Variants in MIEF2 observed in about 807,000 individuals in gnomAD.
The protein encoded by MIEF2 is mitochondrial elongation factor 2, also known as mitochondrial dynamics protein MID49.
MIEF2 carries 1 observed loss-of-function variant against 7.4 expected under a neutral mutation model. The ratio of observed to expected loss-of-function variants is 0.14; its 90% CI spans 0.05 to 0.64. The LOEUF (loss-of-function observed/expected upper bound fraction) is 0.64. Among genes scored for constraint, MIEF2 ranks in the 30% least tolerant of loss-of-function variants. The pLI, the probability that MIEF2 is intolerant of heterozygous loss-of-function variation, is 0.85. For missense variants in MIEF2, 569 were observed against 623.9 expected, an observed-to-expected ratio of 0.91 and a Z score of 0.94; for synonymous variants, 275 against 290.5, an observed-to-expected ratio of 0.95 and a Z score of 0.54.
At chr17:18,261,274 G>A in intron 1 of MIEF2, 4 of 1,324,942 alleles carry the variant, frequency 3.0e-6, no homozygotes, top group Non-Finnish European at 4.2e-6. Flanking sequence ...AACCGGCCCT[G>A]GGGCCGTGGC....
At chr17:18,263,581 G>C in intron 3 of MIEF2, 129 bp from the exon 4 acceptor site, 1 of 1,240,488 alleles carries the variant, frequency 8.1e-7, no homozygotes, top group Non-Finnish European at 1.1e-6. Flanking sequence ...TCTGAACTGA[G>C]TGCCTTCTCA....
rs1270408544 is a variant in MIEF2, at chr17:18,263,834, G to A, written c.435G>A (p.Gln145=). The A allele has an allele frequency of 1.2e-6, 2 of 1,607,498 alleles. No homozygotes were observed. The highest frequency in any genetic ancestry group is 2.2e-5 in the East Asian group (1 of 44,868). ...ERDRVTIPAA[Q]VALAKQLAGD... is the part of the protein sequence containing the mutation. ...ACCGTGTGACCATCCCAGCAGCCCA[G>A]GTGGCTTTGGCCAAACAGCTGGCTG... The change falls in exon 4 of 4, where the codon CAG becomes CAA. Residue 145 remains glutamine (Q), a synonymous_variant. Transcript: ENST00000323019.
At chr17:18,262,895 G>A (rs762099168) in intron 2 of MIEF2, 28 bp downstream of exon 2, 4 of 1,528,796 alleles carry the variant, frequency 2.6e-6, no homozygotes, top group Non-Finnish European at 3.5e-6. Context: ...GGTCATGCCT[G>A]AAGCTCCTAG....
chr17:18,263,387 G>A lies in MIEF2; in HGVS notation c.310+139G>A, dbSNP rs761543968. ...GCTCCTCAGATATTTAATGGGGGTG[G>A]TGTTTCTTTGCCCTGTTCCTGGAGC... On this transcript the variant is annotated intron_variant, in intron 3 of 3. Transcript: ENST00000323019. 25 of 1,218,512 alleles carry A rather than the reference G, an allele frequency of 2.1e-5. No individual in the cohort carries two copies. The South Asian group carries it at 3.0e-4, about 15-fold the overall frequency. 75.5% of individuals were successfully genotyped at this position (1,218,512 alleles called of 1,614,324 possible). A position where few individuals can be genotyped will look rare whatever the true frequency, so the allele number is the denominator to read the frequency against.
rs748534210 is a variant in MIEF2, at chr17:18,264,250, C to T, written c.851C>T (p.Ala284Val). 1 of 1,604,918 alleles carries T rather than the reference C, an allele frequency of 6.2e-7. No homozygotes were observed. The highest frequency in any genetic ancestry group is 8.5e-7 in the Non-Finnish European group (1 of 1,179,764). Residue 284 changes from alanine to valine, a missense_variant, in exon 4 of 4, where the codon GCC (alanine) becomes GTC (valine). Physicochemically the swap from Ala to Val is moderately conservative, Grantham distance 64. Transcript: ENST00000323019. ...LLGCLIRPSM[A>V]SEELLLEVQH... ...GGGTGCCTGATCCGGCCCAGCATGG[C>T]CTCGGAGGAGCTGCTGCTCGAGGTG...
Position 18,265,927 on chromosome 17 carries a change from G to A in MIEF2, c.*1163G>A, listed in dbSNP as rs1259313581. 6.6e-6 allele frequency: 1 copy of A among 152,240 alleles called. No individual in the cohort carries two copies. The highest frequency in any genetic ancestry group is 1.5e-5 in the Non-Finnish European group (1 of 68,054). The allele number at this position is 152,240 out of a possible 1,614,324, so 9.4% of individuals were successfully genotyped here. ...GTTTACTTTAAAAAGTAGCATCTTG[G>A]CCGGGTGTGGTGGCTCGCATCTGTA... On this transcript the variant is annotated 3_prime_UTR_variant, in exon 4 of 4. Transcript: ENST00000323019.
At position 18,265,044 on chromosome 17, in the gene MIEF2, C is replaced by T. The variant is rs1468056028; in HGVS notation, c.*280C>T. On this transcript the variant is annotated 3_prime_UTR_variant, in exon 4 of 4. Transcript: ENST00000323019. ...CACCGTTTCAGCTCTTGGGGCCAACCCCAGGACCTTTGGCTCTGTCCATCA... is the reference window on the plus strand; with the variant it reads ...CACCGTTTCAGCTCTTGGGGCCAACTCCAGGACCTTTGGCTCTGTCCATCA... The T allele has an allele frequency of 2.5e-6, 1 of 394,660 alleles. No homozygotes were observed. The highest frequency in any genetic ancestry group is 4.5e-6 in the Non-Finnish European group (1 of 220,036). The allele number at this position is 394,660 out of a possible 1,614,324, so 24.4% of individuals were successfully genotyped here.
chr17:18,262,953 G>A, intron 2 of MIEF2, 86 bp downstream of exon 2: 1 of 1,528,926 alleles, frequency 6.5e-7, no homozygotes, highest in Non-Finnish European at 8.8e-7. Context: ...GGGGAGGGGT[G>A]GGGACTGCCC....
At chr17:18,261,414 G>A (rs1978410341) in intron 1 of MIEF2, among the ~76,000 whole-genome samples, 1 of 152,194 alleles carries the variant, frequency 6.6e-6, no homozygotes. Context: ...TGGTCACCTG[G>A]CAACTGGGCC....
chr17:18,264,304 C>G lies in MIEF2; in HGVS notation c.905C>G (p.Ala302Gly). 6.2e-7 allele frequency: 1 copy of G among 1,607,670 alleles called. No individual in the cohort carries two copies. The highest frequency in any genetic ancestry group is 1.7e-5 in the Admixed American group (1 of 60,028). The change falls in exon 4 of 4, where the codon GCT becomes GGT. Residue 302 changes from alanine to glycine, a missense_variant. Physicochemically the swap from Ala to Gly is moderately conservative, Grantham distance 60. Transcript: ENST00000323019. ...CACGAACGCCTGGAGCTCACTGTGG[C>G]TGTGCTTGTGGCAGTCCCTGGGGTC... is the stretch of plus-strand genomic sequence containing the variant. ...VQHERLELTV[A>G]VLVAVPGVDA... is the part of the protein sequence containing the mutation.
chr17:18,260,911 G>A (rs1357170016), intron 1 of MIEF2, among the ~76,000 whole-genome samples, 174 bp downstream of exon 1: 2 of 152,186 alleles, frequency 1.3e-5, no homozygotes, highest in Non-Finnish European at 2.9e-5. Flanking sequence ...TTCCCCTCTC[G>A]GTCTCTTGGT....
chr17:18,263,921 G>T lies in MIEF2; in HGVS notation c.522G>T (p.Gly174=). The change falls in exon 4 of 4, where the codon GGG becomes GGT. Residue 174 remains glycine (G), a synonymous_variant. Coordinates refer to ENST00000323019, the MANE Select transcript of MIEF2 (RefSeq NM_139162.4). ...GCAAGTTCCCGGAACTGCCCTTTGG[G>T]GCATTCGTGCCTGGGGGGCCGCTCT... ...FRSKFPELPF[G]AFVPGGPLYD... The T allele has an allele frequency of 6.3e-7, 1 of 1,598,424 alleles. No homozygotes were observed. Among genetic ancestry groups the T allele is most frequent in the Non-Finnish European group, 8.5e-7 (1 of 1,177,466 alleles).
chr17:18,262,713 G>A lies in MIEF2; in HGVS notation c.-7-1G>A. 1 of 1,601,498 alleles carries A rather than the reference G, an allele frequency of 6.2e-7. No homozygotes were observed. Among genetic ancestry groups the A allele is most frequent in the Non-Finnish European group, 8.5e-7 (1 of 1,173,322 alleles). The stretch of plus-strand genomic sequence containing the variant: ...CCCCTTCACCCCTGGCTCTCTTACA[G>A]GCAGACCATGGCAGAGTTCTCCCAG... On this transcript the variant is annotated splice_acceptor_variant, in intron 1 of 3. Coordinates refer to ENST00000323019, the MANE Select transcript of MIEF2 (RefSeq NM_139162.4). LOFTEE classifies it low-confidence loss of function (5UTR_SPLICE).
Position 18,264,414 on chromosome 17 carries a change from G to A in MIEF2, c.1015G>A (p.Ala339Thr), listed in dbSNP as rs775775914. The A allele has an allele frequency of 2.5e-6, 4 of 1,600,726 alleles. No homozygotes were observed. The African/African-American group carries it at 5.3e-5, about 21-fold the overall frequency. Reference sequence around the variant, plus strand: ...GCTGCAGGACCTGTATCCAGTGGAGGCTGCTAGGCTGCGAGCCCTGGACGA... The same window carrying A: ...GCTGCAGGACCTGTATCCAGTGGAGACTGCTAGGCTGCGAGCCCTGGACGA... ...LWLQDLYPVE[A>T]ARLRALDDHD... Residue 339 changes from alanine (A) to threonine (T), a missense_variant, in exon 4 of 4, where the codon GCT becomes ACT. Physicochemically the swap from Ala to Thr is moderately conservative, Grantham distance 58. Transcript: ENST00000323019.
chr17:18,261,033 G>A (rs1228671471), intron 1 of MIEF2: 2 of 1,456,796 alleles, frequency 1.4e-6, no homozygotes, highest in East Asian at 2.5e-5. Flanking sequence ...ACGGCCTCCA[G>A]GGCCCCGCTG....
intron 1 of MIEF2, chr17:18,261,210 C>G: frequency 1.9e-6 from 3 of 1,545,028 alleles, no homozygotes; most frequent in Non-Finnish European, 2.6e-6. Flanking sequence ...GATTCCTGGT[C>G]TCTCTGGGGG....
chr17:18,262,914 A>G (rs1314610851), intron 2 of MIEF2, 47 bp downstream of exon 2: 2 of 1,526,974 alleles, frequency 1.3e-6, no homozygotes, highest in Non-Finnish European at 1.8e-6. Flanking sequence ...AGAGGAGGAC[A>G]ACAGGGTTGG....
Position 18,263,187 on chromosome 17 carries a change from G to A in MIEF2, c.249G>A (p.Arg83=), listed in dbSNP as rs1217012390. 4.3e-6 allele frequency: 7 copies of A among 1,613,496 alleles called. No individual in the cohort carries two copies. The highest frequency in any genetic ancestry group is 5.9e-6 in the Non-Finnish European group (7 of 1,180,042). The change falls in exon 3 of 4, where the codon CGG becomes CGA. Residue 83 remains arginine (R), a synonymous_variant. Transcript: ENST00000323019. The stretch of plus-strand genomic sequence containing the variant: ...AGGCCACACCACACCTGCAGCCCCG[G>A]CCTCCACCTGCTGCCCTTAGCCAGC... ...LLKATPHLQP[R]PPPAALSQPV... is the part of the protein sequence containing the mutation.
chr17:18,264,333 G>A lies in MIEF2; in HGVS notation c.934G>A (p.Ala312Thr). The A allele has an allele frequency of 1.2e-6, 2 of 1,606,360 alleles. No homozygotes were observed. The highest frequency in any genetic ancestry group is 2.2e-5 in the East Asian group (1 of 44,878). ...GCTTGTGGCAGTCCCTGGGGTCGAT[G>A]CTGACGACCGCCTCCTCTTGGCCTG... is the stretch of plus-strand genomic sequence containing the variant. ...AVLVAVPGVDADDRLLLAWPL... is the reference protein window; with the variant it reads ...AVLVAVPGVDTDDRLLLAWPL... Residue 312 changes from alanine (A) to threonine (T), a missense_variant, in exon 4 of 4, where the codon GCT (alanine) becomes ACT (threonine). Physicochemically the swap from Ala to Thr is moderately conservative, Grantham distance 58. Coordinates refer to ENST00000323019, the MANE Select transcript of MIEF2 (RefSeq NM_139162.4).
Sources: gnomAD v4.1 joint callset for allele counts (sites outside exome capture counted in the v4.1 genomes callset) on GRCh38, gnomAD v4.1.1 for gene constraint, MANE v1.5 for transcripts, NCBI Gene and HGNC (gene_info 2026-07-23, HGNC 2026-07-21) for gene names.